CTSO: variants seen among roughly 807,000 people sequenced by gnomAD.
CTSO encodes the protein cathepsin O.
In CTSO, 40 loss-of-function variants were observed where a neutral mutation model predicts 42.4. That is an observed-to-expected ratio of 0.94 (90% confidence interval 0.73 to 1.23). The LOEUF is 1.23. CTSO is among the 50% of genes most tolerant of loss of function. The probability of loss-of-function intolerance (pLI) is 0.00; values close to 1 mark genes in which losing one functional copy is unlikely to be tolerated. For missense variants in CTSO, 441 were observed against 396.0 expected (o/e 1.11, Z -0.96); for synonymous variants, 156 against 146.2 (o/e 1.07, Z -0.48).
intron 5 of CTSO, among the ~76,000 whole-genome samples, chr4:155,935,675 T>C (rs914750280): frequency 8.5e-5 from 13 of 152,292 alleles, no homozygotes; most frequent in Admixed American, 7.8e-4. Flanking sequence ...CCACATGTAT[T>C]TTTATTTTTT....
At chr4:155,951,159 A>C (rs1743667012) in intron 1 of CTSO, among the ~76,000 whole-genome samples, 2 of 152,182 alleles carry the variant, frequency 1.3e-5, no homozygotes, top group African/African-American at 4.8e-5. Context: ...CTTAAGGTAA[A>C]GCTTTGGAAA....
intron 4 of CTSO, among the ~76,000 whole-genome samples, chr4:155,938,620 T>A (rs1179630836): frequency 6.6e-6 from 1 of 152,002 alleles, no homozygotes; most frequent in East Asian, 1.9e-4. Context: ...CAGGCTTCAT[T>A]TCTTCATCTA....
At chr4:155,943,779 C>A (rs1743483396) in intron 1 of CTSO, among the ~76,000 whole-genome samples, 1 of 152,150 alleles carries the variant, frequency 6.6e-6, no homozygotes, top group Admixed American at 6.5e-5. Flanking sequence ...ATCTCTATCT[C>A]ATGTAGGGTA....
intron 1 of CTSO, among the ~76,000 whole-genome samples, chr4:155,953,487 A>T (rs1743713370): frequency 6.6e-6 from 1 of 152,192 alleles, no homozygotes; most frequent in Non-Finnish European, 1.5e-5. Flanking sequence ...TCTTCTGGAA[A>T]ATCAAGTCTT....
chr4:155,931,065 G>T (rs186759058), intron 5 of CTSO, among the ~76,000 whole-genome samples: 2 of 152,146 alleles, frequency 1.3e-5, no homozygotes, highest in South Asian at 2.1e-4. Context: ...ATACAATTTT[G>T]CAAGACATAA....
intron 5 of CTSO, among the ~76,000 whole-genome samples, chr4:155,933,794 G>T (rs954594302): frequency 6.6e-6 from 1 of 152,104 alleles, no homozygotes; most frequent in African/African-American, 2.4e-5. Flanking sequence ...GATGATTTAG[G>T]GTATCTGGCG....
rs770170033 is a variant in CTSO, at chr4:155,926,082, A to G, written c.932-12T>C. On this transcript the variant is annotated splice_polypyrimidine_tract_variant and intron_variant, in intron 7 of 7. Transcript: ENST00000433477. ...GGAATCTGCAATACCTAAGGGAAAA[A>G]AAAGGAATTATTAGTCTATTTCCTC... 1 of 1,472,698 alleles carries G rather than the reference A, an allele frequency of 6.8e-7. No individual in the cohort carries two copies. The highest frequency in any genetic ancestry group is 9.1e-7 in the Non-Finnish European group (1 of 1,099,208). 91.2% of individuals were successfully genotyped at this position (1,472,698 alleles called of 1,614,324 possible). A position where few individuals can be genotyped will look rare whatever the true frequency, so the allele number is the denominator to read the frequency against.
intron 5 of CTSO, among the ~76,000 whole-genome samples, chr4:155,934,848 C>T (rs532123153): frequency 6.6e-5 from 10 of 152,170 alleles, no homozygotes; most frequent in Non-Finnish European, 1.0e-4. Context: ...GAGTTGCCTT[C>T]TCTCAGATGA....
chr4:155,939,614 T>C (rs776035915), intron 3 of CTSO, 76 bp from the exon 4 acceptor site: 11 of 1,338,106 alleles, frequency 8.2e-6, no homozygotes, highest in African/African-American at 1.4e-5. Flanking sequence ...TGTAACAAGT[T>C]ATCAAATCAA....
chr4:155,934,680 C>T (rs1425312912), intron 5 of CTSO, among the ~76,000 whole-genome samples: 1 of 152,192 alleles, frequency 6.6e-6, no homozygotes, highest in East Asian at 1.9e-4. Context: ...TAAAATTTGA[C>T]TGCCTGCTGG....
At chr4:155,937,748 G>A (rs1220255525) in intron 4 of CTSO, among the ~76,000 whole-genome samples, 1 of 151,972 alleles carries the variant, frequency 6.6e-6, no homozygotes. Context: ...CCCAGTAGCT[G>A]TGACTACAGG....
intron 1 of CTSO, among the ~76,000 whole-genome samples, chr4:155,949,348 G>C (rs1359321412): frequency 2.0e-5 from 3 of 152,118 alleles, no homozygotes; most frequent in Non-Finnish European, 4.4e-5. Flanking sequence ...AGCTGAAAAG[G>C]CAGTGAACAT....
chr4:155,953,273 G>A (rs1180249204), intron 1 of CTSO, among the ~76,000 whole-genome samples: 1 of 151,508 alleles, frequency 6.6e-6, no homozygotes. Flanking sequence ...CGCCCTCCTC[G>A]GGAAAAAAAA....
At chr4:155,936,343 G>A (rs1320823137) in intron 5 of CTSO, among the ~76,000 whole-genome samples, 2 of 152,038 alleles carry the variant, frequency 1.3e-5, no homozygotes, top group East Asian at 1.9e-4. Flanking sequence ...TCATTTAAAC[G>A]GGTACATTTT....
chr4:155,946,608 A>C (rs984069776), intron 1 of CTSO, among the ~76,000 whole-genome samples: 4 of 152,142 alleles, frequency 2.6e-5, no homozygotes, highest in Non-Finnish European at 5.9e-5. Context: ...GCCAACTTCT[A>C]AAAGAATTCC....
rs982340569 is a variant in CTSO at position 155,924,528 on chromosome 4, T to A, written c.*1508A>T. The A allele has an allele frequency of 2.6e-5, 4 of 152,176 alleles. No homozygotes were observed. Among genetic ancestry groups the A allele is most frequent in the African/African-American group, 9.7e-5 (4 of 41,448 alleles). 9.4% of individuals were successfully genotyped at this position (152,176 alleles called of 1,614,324 possible). A position where few individuals can be genotyped will look rare whatever the true frequency, so the allele number is the denominator to read the frequency against. Reference sequence around the variant, plus strand: ...AGAAAAAGTTAGATGTCCTTGAATTTTTTTTTTTAGTGGTTGCTACTGCAT... The same window carrying A: ...AGAAAAAGTTAGATGTCCTTGAATTATTTTTTTTAGTGGTTGCTACTGCAT... On this transcript the variant is annotated 3_prime_UTR_variant, in exon 8 of 8. Coordinates refer to ENST00000433477, the MANE Select transcript of CTSO (RefSeq NM_001334.3).
intron 1 of CTSO, among the ~76,000 whole-genome samples, chr4:155,946,913 TG>T (rs1743557756): frequency 6.6e-6 from 1 of 152,238 alleles, no homozygotes; most frequent in South Asian, 2.1e-4. Context: ...GCGAGTGCAG[TG>T]GCGTGATCTC....
At chr4:155,952,494 C>T (rs74728861) in intron 1 of CTSO, among the ~76,000 whole-genome samples, 4,634 of 152,280 alleles carry the variant, frequency 0.03, 111 homozygotes, top group South Asian at 0.071. Context: ...GACTTTTCCC[C>T]TAAGGGGTTT....
intron 5 of CTSO, among the ~76,000 whole-genome samples, chr4:155,929,916 G>A (rs577551285): frequency 6.6e-6 from 1 of 152,270 alleles, no homozygotes; most frequent in South Asian, 2.1e-4. Flanking sequence ...TCATTGTCCT[G>A]CTATTCAAAG....
Sources: allele counts gnomAD v4.1 joint callset (sites outside exome capture counted in the v4.1 genomes callset), GRCh38; gene constraint gnomAD v4.1.1; transcripts MANE v1.5; gene names NCBI Gene and HGNC (gene_info 2026-07-23, HGNC 2026-07-21).